KCND3: variants seen among roughly 807,000 people sequenced by gnomAD.
KCND3 encodes A-type voltage-gated potassium channel KCND3.
KCND3 carries 9 observed loss-of-function variants against 51.1 expected under a neutral mutation model. That is an observed-to-expected ratio of 0.18 (90% CI 0.11 to 0.31). KCND3 has a LOEUF of 0.31. Ranked by LOEUF, KCND3 falls within the 10% of genes least tolerant of loss-of-function variation. The probability of loss-of-function intolerance (pLI) is 1.00; values close to 1 mark genes in which losing one functional copy is unlikely to be tolerated. For synonymous variants in KCND3, 349 were observed against 368.0 expected (o/e 0.95, Z 0.59); for missense variants, 526 against 903.8 (o/e 0.58, Z 5.36).
chr1:111,978,420 C>T (rs1674762927), intron 2 of KCND3, among the ~76,000 whole-genome samples: 1 of 152,158 alleles, frequency 6.6e-6, no homozygotes, highest in African/African-American at 2.4e-5. Context: ...TGAATGATGG[C>T]AAGATATTGG....
At chr1:111,902,397 G>A (rs553053014) in intron 2 of KCND3, among the ~76,000 whole-genome samples, 2 of 152,328 alleles carry the variant, frequency 1.3e-5, no homozygotes, top group South Asian at 2.1e-4. Context: ...TGGGACAAAG[G>A]TGAGTGCGGA....
intron 2 of KCND3, among the ~76,000 whole-genome samples, chr1:111,873,383 G>A (rs1668911604): frequency 6.6e-6 from 1 of 152,226 alleles, no homozygotes; most frequent in Non-Finnish European, 1.5e-5. Flanking sequence ...ATGTAATGGT[G>A]TGGCATGTGG....
At chr1:111,929,409 C>T (rs1409041578) in intron 2 of KCND3, among the ~76,000 whole-genome samples, 1 of 152,212 alleles carries the variant, frequency 6.6e-6, no homozygotes, top group Admixed American at 6.5e-5. Context: ...CTGTAAGAAG[C>T]CTGCCTTGGC....
At chr1:111,801,652 G>A (rs1372463480) in intron 2 of KCND3, among the ~76,000 whole-genome samples, 3 of 152,170 alleles carry the variant, frequency 2.0e-5, no homozygotes, top group Non-Finnish European at 4.4e-5. Flanking sequence ...GCCACCAGGT[G>A]TCCCCCACTC....
intron 2 of KCND3, among the ~76,000 whole-genome samples, chr1:111,854,800 C>T (rs995450013): frequency 2.2e-4 from 34 of 152,338 alleles, no homozygotes; most frequent in African/African-American, 7.7e-4. Flanking sequence ...AAAAGCACTG[C>T]CTGTGTTTCC....
At chr1:111,936,915 G>T (rs1179608790) in intron 2 of KCND3, among the ~76,000 whole-genome samples, 1 of 152,198 alleles carries the variant, frequency 6.6e-6, no homozygotes, top group African/African-American at 2.4e-5. Context: ...GAATGAAATG[G>T]CTAATGAATG....
intron 2 of KCND3, among the ~76,000 whole-genome samples, chr1:111,854,563 A>T (rs1200583780): frequency 6.6e-6 from 1 of 152,190 alleles, no homozygotes; most frequent in Non-Finnish European, 1.5e-5. Context: ...AAGGAAAGGC[A>T]GGCGTCGGGT....
At chr1:111,860,413 A>G (rs1158184809) in intron 2 of KCND3, among the ~76,000 whole-genome samples, 2 of 152,176 alleles carry the variant, frequency 1.3e-5, no homozygotes, top group African/African-American at 4.8e-5. Context: ...TGGCTAACAA[A>G]AACTGGGTTG....
chr1:111,937,264 C>T (rs1672267977), intron 2 of KCND3, among the ~76,000 whole-genome samples: 1 of 152,084 alleles, frequency 6.6e-6, no homozygotes, highest in South Asian at 2.1e-4. Context: ...TCTGAGTTCC[C>T]AGAGGTTCCA....
intron 2 of KCND3, among the ~76,000 whole-genome samples, chr1:111,930,871 C>G (rs1671936206): frequency 6.6e-6 from 1 of 152,232 alleles, no homozygotes; most frequent in Non-Finnish European, 1.5e-5. Context: ...GGAGGGCACA[C>G]ACCCAGGTAG....
intron 2 of KCND3, among the ~76,000 whole-genome samples, chr1:111,913,521 T>G (rs1462308635): frequency 6.6e-6 from 1 of 152,210 alleles, no homozygotes; most frequent in Non-Finnish European, 1.5e-5. Context: ...TCCAATTAAC[T>G]TAACTCTATA....
chr1:111,820,943 T>C (rs1666320771), intron 2 of KCND3, among the ~76,000 whole-genome samples: 2 of 152,194 alleles, frequency 1.3e-5, no homozygotes, highest in Non-Finnish European at 1.5e-5. Context: ...AGATTCTCCC[T>C]GAGAACCTTC....
At chr1:111,833,236 G>A (rs907242930) in intron 2 of KCND3, among the ~76,000 whole-genome samples, 1 of 152,214 alleles carries the variant, frequency 6.6e-6, no homozygotes, top group South Asian at 2.1e-4. Context: ...GATACTAAGG[G>A]CCCAATTATG....
intron 2 of KCND3, among the ~76,000 whole-genome samples, chr1:111,961,399 A>T (rs1325854895): frequency 1.3e-5 from 2 of 152,286 alleles, no homozygotes; most frequent in Non-Finnish European, 2.9e-5. Flanking sequence ...GTTCCAAGCT[A>T]GGGAAGGGTG....
At chr1:111,875,336 T>C (rs1669004204) in intron 2 of KCND3, among the ~76,000 whole-genome samples, 1 of 152,254 alleles carries the variant, frequency 6.6e-6, no homozygotes, top group Admixed American at 6.5e-5. Context: ...ATTCTGGGAC[T>C]TACCGACTAG....
intron 2 of KCND3, among the ~76,000 whole-genome samples, chr1:111,945,446 G>A (rs1469017095): frequency 6.6e-6 from 1 of 152,192 alleles, no homozygotes; most frequent in Admixed American, 6.5e-5. Context: ...TGTACTGAGA[G>A]ATTTACATCT....
At chr1:111,856,717 C>CCAAGCCCCAA in intron 2 of KCND3, 1 of 152,458 alleles carries the variant, frequency 6.6e-6, no homozygotes, top group South Asian at 2.1e-4. Flanking sequence ...AGCACTGGTT[C>CCAAGCCCCAA]CAAGCCCCAA....
At chr1:111,785,277 C>T (rs952915628) in intron 3 of KCND3, among the ~76,000 whole-genome samples, 1 of 152,156 alleles carries the variant, frequency 6.6e-6, no homozygotes, top group African/African-American at 2.4e-5. Flanking sequence ...GTCTCTGGTT[C>T]CTGAATGTGG....
chr1:111,824,058 G>T (rs1018682776), intron 2 of KCND3, among the ~76,000 whole-genome samples: 1 of 149,292 alleles, frequency 6.7e-6, no homozygotes, highest in Non-Finnish European at 1.5e-5. Context: ...GGAAAATGCA[G>T]AGGCAAACTA....
Sources: allele counts gnomAD v4.1 joint callset (sites outside exome capture counted in the v4.1 genomes callset), GRCh38; gene constraint gnomAD v4.1.1; transcripts MANE v1.5; gene names NCBI Gene and HGNC (gene_info 2026-07-23, HGNC 2026-07-21).